Variants in TMEM178A observed in about 807,000 individuals in gnomAD.
TMEM178A encodes transmembrane protein 178.
Under a neutral mutation model 29.1 loss-of-function variants are expected in TMEM178A, and 12 were observed. The observed-to-expected ratio is 0.41, with a 90% CI of 0.26 to 0.67. TMEM178A has a LOEUF of 0.67. Among genes scored for constraint, TMEM178A ranks in the 30% least tolerant of loss-of-function variants. TMEM178A has a pLI of 0.29. For missense variants in TMEM178A, 366 were observed against 419.1 expected (o/e 0.87, Z 1.11); for synonymous variants, 210 against 187.2 (o/e 1.12, Z -0.99).
the TMEM178A span, among the ~76,000 whole-genome samples, chr2:39,733,557 T>C: frequency 6.6e-6 from 1 of 152,200 alleles, no homozygotes; most frequent in South Asian, 2.1e-4. Context: ...TTATGCCTAG[T>C]CTATCAAGGT....
rs752573860 is a variant in TMEM178A, at chr2:39,704,151, T to G, written c.471T>G (p.Phe157Leu). ...CCATCCGCTTGCGAAACATTCCTTT[T>G]AATTTAACCAAGACCATACAGCAAG... ...SQPIRLRNIP[F>L]NLTKTIQQDE... The change falls in exon 2 of 4, where the codon TTT becomes TTG. Residue 157 changes from phenylalanine to leucine, a missense_variant. Phe to Leu is a conservative substitution (Grantham distance 22). Transcript: ENST00000281961. The G allele has an allele frequency of 6.2e-7, 1 of 1,614,184 alleles. No homozygotes were observed. The highest frequency in any genetic ancestry group is 1.7e-5 in the Admixed American group (1 of 60,026).
intron 1 of TMEM178A, among the ~76,000 whole-genome samples, chr2:39,686,979 G>A (rs1671106296): frequency 7.1e-6 from 1 of 140,524 alleles, no homozygotes; most frequent in African/African-American, 3.0e-5. Flanking sequence ...GTGTGTGTGT[G>A]TGTGTGTGTG....
At chr2:39,700,486 C>T (rs963249030) in intron 1 of TMEM178A, among the ~76,000 whole-genome samples, 1 of 151,940 alleles carries the variant, frequency 6.6e-6, no homozygotes, top group Non-Finnish European at 1.5e-5. Flanking sequence ...ATTAGTATAG[C>T]CATTTCATCT....
the TMEM178A span, among the ~76,000 whole-genome samples, chr2:39,724,611 T>C: frequency 6.6e-6 from 1 of 152,222 alleles, no homozygotes; most frequent in Non-Finnish European, 1.5e-5. Flanking sequence ...GTACTTCATT[T>C]CGTATTTTCC....
At chr2:39,690,395 C>T (rs1239222710) in intron 1 of TMEM178A, among the ~76,000 whole-genome samples, 1 of 152,134 alleles carries the variant, frequency 6.6e-6, no homozygotes, top group Non-Finnish European at 1.5e-5. Flanking sequence ...CTCTGGGATG[C>T]AGAGAAGGTG....
intron 3 of TMEM178A, among the ~76,000 whole-genome samples, chr2:39,711,590 AG>A (rs1202742503): frequency 6.6e-6 from 1 of 152,214 alleles, no homozygotes; most frequent in Non-Finnish European, 1.5e-5. Context: ...GCAGAGCTCC[AG>A]GGACAGTTAA....
chr2:39,665,967 G>A lies in TMEM178A; in HGVS notation c.-8G>A, dbSNP rs1432135357. ...AGCCCACCGGCGGCTGCGGCGGGGCGGGAAGCCATGGAGCCGCGGGCGCTC... is the reference window on the plus strand; with the variant it reads ...AGCCCACCGGCGGCTGCGGCGGGGCAGGAAGCCATGGAGCCGCGGGCGCTC... On this transcript the variant is annotated 5_prime_UTR_variant, in exon 1 of 4. Coordinates refer to ENST00000281961, the MANE Select transcript of TMEM178A (RefSeq NM_152390.3). The A allele has an allele frequency of 3.0e-6, 4 of 1,346,322 alleles. No individual in the cohort carries two copies. Among genetic ancestry groups the A allele is most frequent in the Middle Eastern group, 2.8e-4 (1 of 3,628 alleles). 83.4% of individuals were successfully genotyped at this position (1,346,322 alleles called of 1,614,324 possible).
chr2:39,705,476 A>C (rs1357752942), intron 2 of TMEM178A, among the ~76,000 whole-genome samples: 1 of 152,232 alleles, frequency 6.6e-6, no homozygotes, highest in Admixed American at 6.5e-5. Context: ...TCCCCTGCTC[A>C]GATGTGGCTG....
At chr2:39,681,414 A>G (rs1670864838) in intron 1 of TMEM178A, among the ~76,000 whole-genome samples, 2 of 152,318 alleles carry the variant, frequency 1.3e-5, no homozygotes, top group South Asian at 4.1e-4. Context: ...TGTCATAAGC[A>G]TTTTGGTCAT....
Position 39,708,543 on chromosome 2 carries a change from C to T in TMEM178A, c.652+1357C>T, listed in dbSNP as rs992759480. On this transcript the variant is annotated intron_variant, in intron 3 of 3. Coordinates refer to ENST00000281961, the MANE Select transcript of TMEM178A (RefSeq NM_152390.3). ...ACGCCATTCTCCTGCCTCAGCCTCC[C>T]GTGTAGCTGGGACTACAGGCGCGCG... 2.1e-4 allele frequency among the ~76,000 whole-genome samples: 31 copies of T among 150,100 alleles called. No homozygotes were observed. In the East Asian group the frequency reaches 5.5e-3, roughly 26 times the overall value.
chr2:39,666,171 C>A lies in TMEM178A; in HGVS notation c.197C>A (p.Pro66Gln). The part of the protein sequence containing the change: ...KNRLMPLSHL[P>Q]LRDSPPLGRR... Reference sequence around the variant, plus strand: ...CGCCTGATGCCGCTGTCGCACCTGCCGCTGCGGGACTCGCCCCCGCTGGGG... The same window carrying A: ...CGCCTGATGCCGCTGTCGCACCTGCAGCTGCGGGACTCGCCCCCGCTGGGG... The change falls in exon 1 of 4, where the codon CCG (proline) becomes CAG (glutamine). Residue 66 changes from proline (P) to glutamine (Q), a missense_variant. Pro to Gln is a moderately conservative substitution (Grantham distance 76). Around this residue, in one of 2 missense-constraint regions of TMEM178A, gnomAD observed 247 missense variants for 246.8 expected, o/e 1.00. Transcript: ENST00000281961. 3.4e-6 allele frequency: 5 copies of A among 1,482,122 alleles called. No individual in the cohort carries two copies. Among genetic ancestry groups the A allele is most frequent in the South Asian group, 2.6e-5 (2 of 78,104 alleles). The allele number at this position is 1,482,122 out of a possible 1,614,324, so 91.8% of individuals were successfully genotyped here.
At chr2:39,732,619 T>G in the TMEM178A span, among the ~76,000 whole-genome samples, 4 of 152,150 alleles carry the variant, frequency 2.6e-5, no homozygotes, top group African/African-American at 9.7e-5. Flanking sequence ...ATAATTAACT[T>G]GCATAGGAGA....
intron 1 of TMEM178A, among the ~76,000 whole-genome samples, chr2:39,674,067 T>C (rs891223884): frequency 6.6e-6 from 1 of 152,192 alleles, no homozygotes; most frequent in African/African-American, 2.4e-5. Context: ...GGAAAACTTC[T>C]CTTGGTATTC....
chr2:39,674,479 A>G (rs764752744), intron 1 of TMEM178A, among the ~76,000 whole-genome samples: 21 of 152,208 alleles, frequency 1.4e-4, no homozygotes, highest in Non-Finnish European at 2.9e-4. Context: ...ACTCAAAGGC[A>G]TAAGAATGAT....
At position 39,717,036 on chromosome 2, in the gene TMEM178A, A is replaced by G. The variant is rs1184917022; in HGVS notation, c.679A>G (p.Thr227Ala). ...TGIFCTISLC[T>A]YAASISYDLN... ...GATATTTTGCACCATTTCCCTCTGTACTTATGCCGCCAGTATCTCGTATGA... is the reference window on the plus strand; with the variant it reads ...GATATTTTGCACCATTTCCCTCTGTGCTTATGCCGCCAGTATCTCGTATGA... The change falls in exon 4 of 4, where the codon ACT becomes GCT. Residue 227 changes from threonine to alanine, a missense_variant. Coordinates refer to ENST00000281961, the MANE Select transcript of TMEM178A (RefSeq NM_152390.3). 1 of 1,609,794 alleles carries G rather than the reference A, an allele frequency of 6.2e-7. No homozygotes were observed. The highest frequency in any genetic ancestry group is 8.5e-7 in the Non-Finnish European group (1 of 1,179,210).
rs1670778646 is a variant in TMEM178A, at chr2:39,679,473, A to G, written c.400+13099A>G. ...ACACTTTTTTTTGAAGTATTCAAAA[A>G]AAATCAGTGTATAACTAACAAAGAG... On this transcript the variant is annotated intron_variant, in intron 1 of 3. Coordinates refer to ENST00000281961, the MANE Select transcript of TMEM178A (RefSeq NM_152390.3). Among the ~76,000 whole-genome samples, 3 of 151,974 alleles carry G rather than the reference A, an allele frequency of 2.0e-5. No homozygotes were observed. In the South Asian group the frequency reaches 6.2e-4, roughly 32 times the overall value.
chr2:39,692,960 C>A (rs1671385514), intron 1 of TMEM178A, among the ~76,000 whole-genome samples: 1 of 152,084 alleles, frequency 6.6e-6, no homozygotes, highest in Non-Finnish European at 1.5e-5. Flanking sequence ...ATTAACCTTA[C>A]AATTTAAAGT....
At chr2:39,706,335 T>C (rs1672033514) in intron 2 of TMEM178A, among the ~76,000 whole-genome samples, 1 of 152,186 alleles carries the variant, frequency 6.6e-6, no homozygotes, top group Non-Finnish European at 1.5e-5. Context: ...GCCCAGGTTG[T>C]GGGATCTATG....
At chr2:39,680,951 A>G (rs562689120) in intron 1 of TMEM178A, among the ~76,000 whole-genome samples, 118 of 149,528 alleles carry the variant, frequency 7.9e-4, no homozygotes, top group African/African-American at 3.0e-3. Context: ...AATCACTTTA[A>G]TTTAATTTGT....
Sources: allele counts gnomAD v4.1 joint callset (sites outside exome capture counted in the v4.1 genomes callset), GRCh38; gene constraint gnomAD v4.1.1; regional missense constraint gnomAD v4.1.1; transcripts MANE v1.5; gene names NCBI Gene and HGNC (gene_info 2026-07-23, HGNC 2026-07-21).